Variants in PRTFDC1 observed in about 807,000 individuals in gnomAD.
PRTFDC1 encodes phosphoribosyl transferase domain containing 1.
Under a neutral mutation model 34.6 loss-of-function variants are expected in PRTFDC1, and 38 were observed. That is an observed-to-expected ratio of 1.10 (90% confidence interval 0.85 to 1.44). The LOEUF (loss-of-function observed/expected upper bound fraction) is 1.44. Ranked by LOEUF, PRTFDC1 falls within the 40% of genes most tolerant of loss-of-function variation. The probability of loss-of-function intolerance (pLI) is 0.00; values close to 1 mark genes in which losing one functional copy is unlikely to be tolerated. For missense variants in PRTFDC1, 270 were observed against 283.0 expected (o/e 0.95, Z 0.33); for synonymous variants, 93 against 98.1 (o/e 0.95, Z 0.31).
intron 3 of PRTFDC1, among the ~76,000 whole-genome samples, chr10:24,900,753 A>G (rs144987174): frequency 4.3e-4 from 65 of 152,348 alleles, no homozygotes; most frequent in African/African-American, 1.4e-3. Context: ...TTTAGTTCCT[A>G]CATTTTGTAC....
intron 3 of PRTFDC1, among the ~76,000 whole-genome samples, chr10:24,919,029 ATTACT>A (rs1431870956): frequency 4.6e-5 from 7 of 152,138 alleles, no homozygotes; most frequent in Non-Finnish European, 8.8e-5. Flanking sequence ...GGGATAATAA[ATTACT>A]TTACTTATCA....
intron 4 of PRTFDC1, among the ~76,000 whole-genome samples, chr10:24,869,070 A>G (rs1205594088): frequency 6.6e-6 from 1 of 152,206 alleles, no homozygotes; most frequent in Non-Finnish European, 1.5e-5. Flanking sequence ...ACTTTGAAAT[A>G]TACAACACAT....
intron 3 of PRTFDC1, among the ~76,000 whole-genome samples, chr10:24,872,501 G>C (rs915693414): frequency 1.3e-5 from 2 of 151,888 alleles, no homozygotes; most frequent in Admixed American, 6.6e-5. Context: ...CTGATTCCCT[G>C]AGAGACCGGA....
At chr10:24,914,745 C>T (rs1848670758) in intron 3 of PRTFDC1, among the ~76,000 whole-genome samples, 1 of 152,186 alleles carries the variant, frequency 6.6e-6, no homozygotes, top group African/African-American at 2.4e-5. Flanking sequence ...TTTATTAAAA[C>T]TACAGCTCTA....
At chr10:24,895,457 C>T (rs1848337270) in intron 3 of PRTFDC1, among the ~76,000 whole-genome samples, 1 of 150,630 alleles carries the variant, frequency 6.6e-6, no homozygotes, top group Non-Finnish European at 1.5e-5. Context: ...CTCCATGTTG[C>T]TCAGGCTGGT....
intron 3 of PRTFDC1, among the ~76,000 whole-genome samples, chr10:24,902,641 AACT>A (rs1467243516): frequency 6.6e-6 from 1 of 152,154 alleles, no homozygotes; most frequent in Non-Finnish European, 1.5e-5. Context: ...TTTTTCTTCA[AACT>A]TAGAGCAAAG....
rs867911850 is a variant in PRTFDC1 at position 24,849,270 on chromosome 10, G to A, written c.*574C>T. 1.3e-5 allele frequency: 2 copies of A among 152,758 alleles called. No individual in the cohort carries two copies. The highest frequency in any genetic ancestry group is 4.8e-5 in the African/African-American group (2 of 41,452). 9.5% of individuals were successfully genotyped at this position (152,758 alleles called of 1,614,324 possible). ...ATCATTAAGATTCATTGTACACTGCGTTTCAGAAAGGCTTTGTCAAAGCAG... is the reference window on the plus strand; with the variant it reads ...ATCATTAAGATTCATTGTACACTGCATTTCAGAAAGGCTTTGTCAAAGCAG... On this transcript the variant is annotated 3_prime_UTR_variant, in exon 9 of 9. Coordinates refer to ENST00000320152, the MANE Select transcript of PRTFDC1 (RefSeq NM_020200.7).
intron 3 of PRTFDC1, among the ~76,000 whole-genome samples, chr10:24,878,140 G>T (rs971305509): frequency 6.6e-6 from 1 of 152,034 alleles, no homozygotes; most frequent in African/African-American, 2.4e-5. Context: ...TGGCGTGGTG[G>T]CGAGTGCCTG....
At chr10:24,906,430 T>C (rs771491003) in intron 3 of PRTFDC1, among the ~76,000 whole-genome samples, 25 of 152,100 alleles carry the variant, frequency 1.6e-4, no homozygotes, top group Non-Finnish European at 3.2e-4. Flanking sequence ...TAGTAAGAAT[T>C]ACAAAAACAT....
chr10:24,937,312 C>T lies in PRTFDC1; in HGVS notation c.211G>A (p.Val71Ile). 6.2e-7 allele frequency: 1 copy of T among 1,613,976 alleles called. No individual in the cohort carries two copies. The highest frequency in any genetic ancestry group is 8.5e-7 in the Non-Finnish European group (1 of 1,179,992). ...TAACCTCCTTTAAGCACACACAGGA[C>T]CATGATGTCACTATATCCTATGTCT... is the stretch of plus-strand genomic sequence containing the variant. ...MKDIGYSDIMVLCVLKGGYKF... is the reference protein window; with the variant it reads ...MKDIGYSDIMILCVLKGGYKF... Residue 71 changes from valine (V) to isoleucine (I), a missense_variant, in exon 3 of 9, where the codon GTC (valine) becomes ATC (isoleucine). Physicochemically the swap from Val to Ile is conservative, Grantham distance 29 (BLOSUM62 3). Transcript: ENST00000320152.
intron 3 of PRTFDC1, among the ~76,000 whole-genome samples, chr10:24,933,232 A>G (rs1364435788): frequency 2.0e-5 from 3 of 152,048 alleles, no homozygotes; most frequent in African/African-American, 7.2e-5. Context: ...CACCAAAAGC[A>G]TGATCCACAA....
At chr10:24,931,826 G>GA (rs887412976) in intron 3 of PRTFDC1, among the ~76,000 whole-genome samples, 1 of 147,480 alleles carries the variant, frequency 6.8e-6, no homozygotes, top group African/African-American at 2.5e-5. Context: ...AAACTCTTCT[G>GA]AAAAAAAGAT....
chr10:24,948,064 A>G (rs1849279653), intron 1 of PRTFDC1, among the ~76,000 whole-genome samples: 1 of 151,882 alleles, frequency 6.6e-6, no homozygotes, highest in South Asian at 2.1e-4. Context: ...ACTCATTACC[A>G]CCTAGTAGAG....
At chr10:24,882,784 G>C (rs1185840898) in intron 3 of PRTFDC1, among the ~76,000 whole-genome samples, 1 of 151,314 alleles carries the variant, frequency 6.6e-6, no homozygotes, top group Non-Finnish European at 1.5e-5. Context: ...GGGACTACAG[G>C]TGTGTGCCAC....
chr10:24,899,076 A>C (rs537929073), intron 3 of PRTFDC1, among the ~76,000 whole-genome samples: 1 of 152,260 alleles, frequency 6.6e-6, no homozygotes, highest in African/African-American at 2.4e-5. Context: ...TAAGTCAACC[A>C]GTCTATGGCA....
At chr10:24,893,274 C>T (rs28482892) in intron 3 of PRTFDC1, among the ~76,000 whole-genome samples, 9 of 101,026 alleles carry the variant, frequency 8.9e-5, no homozygotes, top group Non-Finnish European at 1.5e-4. Flanking sequence ...CTCTCTCTTT[C>T]TCTCTCTCTC....
chr10:24,850,460 C>T (rs1053608669), intron 8 of PRTFDC1, among the ~76,000 whole-genome samples: 1 of 152,168 alleles, frequency 6.6e-6, no homozygotes, highest in Middle Eastern at 3.4e-3. Flanking sequence ...ACGAAGACCC[C>T]ATCTCTACAG....
In PRTFDC1 at chr10:24,895,253, C is replaced by CT. The variant is rs60331186; in HGVS notation, c.340-23191dup. ...TCCTTCTTCTGGAAATCTCCACTTT[C>CT]TTTTTTTTTTTTTTTTTGAGATGGA... On this transcript the variant is annotated intron_variant, in intron 3 of 8. Coordinates refer to ENST00000320152, the MANE Select transcript of PRTFDC1 (RefSeq NM_020200.7). Among the ~76,000 whole-genome samples the CT allele has an allele frequency of 1.2e-3, 124 of 105,182 alleles. 1 individual carries two copies. The highest frequency in any genetic ancestry group is 5.1e-3 in the East Asian group (18 of 3,554). 69.0% of individuals were successfully genotyped at this position (105,182 alleles called of 152,430 possible). A position where few individuals can be genotyped will look rare whatever the true frequency, so the allele number is the denominator to read the frequency against.
chr10:24,863,450 A>G (rs1847718310), intron 4 of PRTFDC1, among the ~76,000 whole-genome samples: 1 of 152,196 alleles, frequency 6.6e-6, no homozygotes. Context: ...CTCATTAACA[A>G]TCTACCTGGT....
Sources: allele counts gnomAD v4.1 joint callset (sites outside exome capture counted in the v4.1 genomes callset), GRCh38; gene constraint gnomAD v4.1.1; transcripts MANE v1.5; gene names NCBI Gene and HGNC (gene_info 2026-07-23, HGNC 2026-07-21).